The following FBN1 variants were observed in gnomAD, a reference collection of about 807,000 sequenced individuals.
FBN1 encodes fibrillin-1.
In FBN1, 29 loss-of-function variants were observed where a neutral mutation model predicts 365.1. The observed-to-expected ratio is 0.08, with a 90% CI of 0.06 to 0.11. The LOEUF (loss-of-function observed/expected upper bound fraction) is 0.11, where lower values mean the gene tolerates loss of function less well. Ranked by LOEUF, FBN1 falls within the 10% of genes least tolerant of loss-of-function variation. The pLI is 1.00. For missense variants in FBN1, 2,476 were observed against 3,703.2 expected (o/e 0.67, Z 8.60); for synonymous variants, 1,210 against 1,270.5 (o/e 0.95, Z 1.01).
intron 10 of FBN1, among the ~76,000 whole-genome samples, chr15:48,518,030 C>T (rs981394718): frequency 3.3e-5 from 5 of 152,100 alleles, no homozygotes. Flanking sequence ...TTGACATTTC[C>T]ATCTCAGGTC....
At chr15:48,434,480 A>C in intron 54 of FBN1, 114 bp downstream of exon 54, 2 of 1,345,506 alleles carry the variant, frequency 1.5e-6, no homozygotes, top group Non-Finnish European at 2.1e-6. Flanking sequence ...CATCAGGCCT[A>C]GATGATCTTT....
At position 48,612,245 on chromosome 15, in the gene FBN1, T is replaced by C. The variant is rs974784899; in HGVS notation, c.247+765A>G. On this transcript the variant is annotated intron_variant, in intron 3 of 65. Coordinates refer to ENST00000316623, the MANE Select transcript of FBN1 (RefSeq NM_000138.5). The stretch of plus-strand genomic sequence containing the variant: ...CCAATATAGTCTATTGAATACTCCA[T>C]TGACCACTGTCAGCCAAGTGAGAAG... Among the ~76,000 whole-genome samples the C allele has an allele frequency of 3.3e-5, 5 of 152,216 alleles. No homozygotes were observed. In the East Asian group the frequency reaches 7.7e-4, roughly 23 times the overall value.
At chr15:48,486,117 C>T (rs143591336) in intron 29 of FBN1, among the ~76,000 whole-genome samples, 122 of 152,304 alleles carry the variant, frequency 8.0e-4, no homozygotes, top group African/African-American at 2.8e-3. Flanking sequence ...GCATGATGTG[C>T]CATTTGCAAT....
intron 6 of FBN1, among the ~76,000 whole-genome samples, chr15:48,552,401 T>C (rs887664826): frequency 1.3e-5 from 2 of 150,550 alleles, no homozygotes; most frequent in South Asian, 2.1e-4. Flanking sequence ...GCCTCCCAAA[T>C]AGCTGAGACT....
chr15:48,415,209 T>C (rs1181559764), intron 64 of FBN1, among the ~76,000 whole-genome samples: 1 of 152,184 alleles, frequency 6.6e-6, no homozygotes, highest in Non-Finnish European at 1.5e-5. Context: ...GTGAGCCCAG[T>C]TCTGTCATGG....
intron 46 of FBN1, among the ~76,000 whole-genome samples, chr15:48,447,271 T>C (rs2043167880): frequency 6.6e-6 from 1 of 152,094 alleles, no homozygotes; most frequent in Non-Finnish European, 1.5e-5. Context: ...TACCCCACAA[T>C]CAGCAACAAA....
At chr15:48,444,121 A>C (rs895201562) in intron 49 of FBN1, among the ~76,000 whole-genome samples, 1 of 152,236 alleles carries the variant, frequency 6.6e-6, no homozygotes, top group Non-Finnish European at 1.5e-5. Flanking sequence ...CTCTATAGGT[A>C]AAAACAAAAT....
intron 60 of FBN1, among the ~76,000 whole-genome samples, chr15:48,423,446 T>C (rs894838722): frequency 1.3e-5 from 2 of 152,228 alleles, no homozygotes; most frequent in African/African-American, 2.4e-5. Context: ...TTGACTGATA[T>C]GCACTCTCTG....
chr15:48,415,967 T>TAAACATGGAAGATG (rs1022377846), intron 63 of FBN1, among the ~76,000 whole-genome samples, 200 bp from the exon 64 acceptor site: 1 of 151,820 alleles, frequency 6.6e-6, no homozygotes, highest in African/African-American at 2.4e-5. Flanking sequence ...ATGTTGTGAG[T>TAAACATGGAAGATG]AAACATGGAA....
At chr15:48,421,511 C>T (rs1266855567) in intron 62 of FBN1, 47 bp downstream of exon 62, 1 of 1,603,512 alleles carries the variant, frequency 6.2e-7, no homozygotes, top group East Asian at 2.3e-5. Context: ...CACAGGCCAC[C>T]TCCACAAGGA....
At chr15:48,596,837 T>A (rs977822316) in intron 5 of FBN1, among the ~76,000 whole-genome samples, 1 of 152,218 alleles carries the variant, frequency 6.6e-6, no homozygotes, top group Admixed American at 6.5e-5. Flanking sequence ...CTACTAATGA[T>A]CTTCAGTAAT....
intron 17 of FBN1, among the ~76,000 whole-genome samples, chr15:48,500,946 G>T (rs903167914): frequency 2.0e-5 from 3 of 152,130 alleles, no homozygotes; most frequent in African/African-American, 7.2e-5. Context: ...AATATTTTCA[G>T]TACTTTAAAC....
chr15:48,464,050 A>T, intron 40 of FBN1, 29 bp from the exon 41 acceptor site: 1 of 1,612,388 alleles, frequency 6.2e-7, no homozygotes, highest in Non-Finnish European at 8.5e-7. Flanking sequence ...GTGGTATGTG[A>T]ATATGAAAAC....
At chr15:48,466,502 C>T (rs61232531) in intron 38 of FBN1, among the ~76,000 whole-genome samples, 7 of 152,316 alleles carry the variant, frequency 4.6e-5, no homozygotes, top group South Asian at 2.1e-4. Context: ...TGCACCAGGA[C>T]GGTGATATGT....
chr15:48,421,433 A>G, intron 62 of FBN1, 125 bp downstream of exon 62: 2 of 1,151,162 alleles, frequency 1.7e-6, no homozygotes, highest in Non-Finnish European at 2.5e-6. Flanking sequence ...ACACTATTTT[A>G]GCTGAGTGCC....
At chr15:48,489,444 T>C (rs1233153754) in intron 25 of FBN1, among the ~76,000 whole-genome samples, 1 of 152,050 alleles carries the variant, frequency 6.6e-6, no homozygotes, top group Admixed American at 6.6e-5. Flanking sequence ...AGGGCCTTTT[T>C]CCAAAACAAG....
chr15:48,586,986 C>T (rs905272389), intron 6 of FBN1, among the ~76,000 whole-genome samples: 2 of 152,102 alleles, frequency 1.3e-5, no homozygotes, highest in African/African-American at 4.8e-5. Context: ...AAACAGTTTC[C>T]TTCCTGCAGG....
At chr15:48,426,305 AG>A (rs2042979215) in intron 58 of FBN1, among the ~76,000 whole-genome samples, 1 of 152,144 alleles carries the variant, frequency 6.6e-6, no homozygotes, top group Admixed American at 6.5e-5. Context: ...AAAATAAGTA[AG>A]GTTTTTTGTT....
At chr15:48,546,571 A>T (rs1210251751) in intron 6 of FBN1, among the ~76,000 whole-genome samples, 1 of 152,152 alleles carries the variant, frequency 6.6e-6, no homozygotes, top group African/African-American at 2.4e-5. Context: ...ATGAGGTTGG[A>T]TCCTTTGGCA....
Sources: gnomAD v4.1 joint callset for allele counts (sites outside exome capture counted in the v4.1 genomes callset) on GRCh38, gnomAD v4.1.1 for gene constraint, MANE v1.5 for transcripts, NCBI Gene and HGNC (gene_info 2026-07-23, HGNC 2026-07-21) for gene names.